SEC31B: variants seen among roughly 807,000 people sequenced by gnomAD.
SEC31B encodes SEC31 homolog B, COPII component.
A neutral mutation model predicts 135.0 loss-of-function variants in SEC31B; 113 were observed. That is an observed-to-expected ratio of 0.84 (90% CI 0.72 to 0.98). SEC31B has a LOEUF of 0.98. Ranked by LOEUF, SEC31B falls within the 50% of genes least tolerant of loss-of-function variation. SEC31B has a pLI of 0.00. For missense variants in SEC31B, 1,296 were observed against 1,421.1 expected (o/e 0.91, Z 1.42); for synonymous variants, 508 against 549.4 (o/e 0.92, Z 1.05).
Position 100,496,279 on chromosome 10 carries a change from A to T in SEC31B, c.2289T>A (p.Phe763Leu), listed in dbSNP as rs142852588. Residue 763 changes from phenylalanine (F) to leucine (L), a missense_variant, in exon 18 of 26, where the codon TTT (phenylalanine) becomes TTA (leucine). Coordinates refer to ENST00000370345, the MANE Select transcript of SEC31B (RefSeq NM_015490.4). ...AQGSLATAMS[F>L]LPRDCAQPPV... ...TTACCTGAGCACAGTCCCTGGGTAG[A>T]AAGCTCATGGCAGTGGCCAGGCTGC... 2 of 1,614,170 alleles carry T rather than the reference A, an allele frequency of 1.2e-6. No homozygotes were observed. Among genetic ancestry groups the T allele is most frequent in the South Asian group, 1.1e-5 (1 of 91,086 alleles).
In SEC31B at chr10:100,502,463, A is replaced by G; in HGVS notation, c.1201T>C (p.Phe401Leu). 1.2e-6 allele frequency: 2 copies of G among 1,613,476 alleles called. No homozygotes were observed. The highest frequency in any genetic ancestry group is 1.7e-6 in the Non-Finnish European group (2 of 1,179,854). The change falls in exon 11 of 26, where the codon TTT becomes CTT. Residue 401 changes from phenylalanine (F) to leucine (L), a missense_variant. Coordinates refer to ENST00000370345, the MANE Select transcript of SEC31B (RefSeq NM_015490.4). ...SFAFGGKLVT[F>L]GLPSTPAHLV... ...TGGGCAGGGGTGCTGGGGAGGCCAAAAGTAACCAGCTTCCCTCCAAACTGG... is the reference window on the plus strand; with the variant it reads ...TGGGCAGGGGTGCTGGGGAGGCCAAGAGTAACCAGCTTCCCTCCAAACTGG...
chr10:100,490,151 G>C lies in SEC31B; in HGVS notation c.2822C>G (p.Pro941Arg). 1.9e-6 allele frequency: 3 copies of C among 1,598,084 alleles called. No homozygotes were observed. The highest frequency in any genetic ancestry group is 1.3e-5 in the African/African-American group (1 of 74,554). ...PETPRLFPLL[P>R]LRPLGPGRMV... The stretch of plus-strand genomic sequence containing the variant: ...GCGGCCGGGACCTAGTGGTCTCAGA[G>C]GAAGCAGAGGGAACAGTCTAGGAGT... Residue 941 changes from proline (P) to arginine (R), a missense_variant, in exon 21 of 26, where the codon CCT (proline) becomes CGT (arginine). Transcript: ENST00000370345.
chr10:100,502,116 G>A (rs1851535053), intron 11 of SEC31B, 138 bp downstream of exon 11: 1 of 689,168 alleles, frequency 1.5e-6, no homozygotes, highest in South Asian at 1.8e-5. Context: ...TGGGTATAGT[G>A]TGGGGGAAAA....
intron 1 of SEC31B, among the ~76,000 whole-genome samples, chr10:100,517,970 C>A (rs921914388): frequency 6.6e-6 from 1 of 152,182 alleles, no homozygotes; most frequent in African/African-American, 2.4e-5. Flanking sequence ...TGCCAACAGC[C>A]TTTTTGATTG....
chr10:100,491,370 T>C (rs974852436), intron 19 of SEC31B, among the ~76,000 whole-genome samples: 4 of 152,138 alleles, frequency 2.6e-5, no homozygotes, highest in African/African-American at 4.8e-5. Flanking sequence ...TTCCAGAAAA[T>C]AGAAGGAACA....
rs572241814 is a variant in SEC31B, at chr10:100,495,374, C to T, written c.2472+11G>A. On this transcript the variant is annotated intron_variant, in intron 19 of 25. Coordinates refer to ENST00000370345, the MANE Select transcript of SEC31B (RefSeq NM_015490.4). ...TTGAATGAACAAATGAATGAACAAA[C>T]GAGGTCTTACCTGGTGAGAAGGCTG... 1.4e-4 allele frequency: 223 copies of T among 1,610,812 alleles called. No homozygotes were observed. The highest frequency in any genetic ancestry group is 2.3e-4 in the South Asian group (21 of 90,188).
At chr10:100,506,510 A>G (rs1851635368) in intron 7 of SEC31B, 90 bp from the exon 8 acceptor site, 2 of 1,031,518 alleles carry the variant, frequency 1.9e-6, no homozygotes, top group Non-Finnish European at 3.0e-6. Flanking sequence ...TTTATAGGGC[A>G]TATCAGACCA....
At chr10:100,508,119 C>T in intron 5 of SEC31B, 68 bp from the exon 6 acceptor site, 2 of 1,584,442 alleles carry the variant, frequency 1.3e-6, no homozygotes, top group Non-Finnish European at 1.7e-6. Flanking sequence ...TCTGCTGTTC[C>T]ACTGCTCCCA....
intron 11 of SEC31B, among the ~76,000 whole-genome samples, chr10:100,500,962 T>C (rs946031035): frequency 2.0e-5 from 3 of 151,840 alleles, no homozygotes; most frequent in Admixed American, 2.0e-4. Context: ...ATGCCAGCAC[T>C]TTGGGAGGCT....
Position 100,505,350 on chromosome 10 carries a change from A to C in SEC31B, c.1179+11T>G. On this transcript the variant is annotated intron_variant, in intron 10 of 25. Coordinates refer to ENST00000370345, the MANE Select transcript of SEC31B (RefSeq NM_015490.4). ...CAAACACACACACACCTATACATCCACTACACTTACAGCAAATGAAACACC... is the reference window on the plus strand; with the variant it reads ...CAAACACACACACACCTATACATCCCCTACACTTACAGCAAATGAAACACC... 2 of 1,613,212 alleles carry C rather than the reference A, an allele frequency of 1.2e-6. No homozygotes were observed. Among genetic ancestry groups the C allele is most frequent in the Non-Finnish European group, 1.7e-6 (2 of 1,179,602 alleles).
Position 100,487,339 on chromosome 10 carries a change from G to C in SEC31B, c.*277C>G, listed in dbSNP as rs1036725817. On this transcript the variant is annotated 3_prime_UTR_variant, in exon 26 of 26. Transcript: ENST00000370345. ...CTGGGGGAGAAGATATCCTGCCCCAGGTCCTTACAGAGTGTAGTATTAGGG... is the reference window on the plus strand; with the variant it reads ...CTGGGGGAGAAGATATCCTGCCCCACGTCCTTACAGAGTGTAGTATTAGGG... 4.9e-6 allele frequency: 2 copies of C among 410,838 alleles called. No individual in the cohort carries two copies. The highest frequency in any genetic ancestry group is 8.4e-5 in the Admixed American group (2 of 23,806). The allele number at this position is 410,838 out of a possible 1,614,324, so 25.4% of individuals were successfully genotyped here.
At chr10:100,508,653 C>T in intron 5 of SEC31B, 1 of 406,226 alleles carries the variant, frequency 2.5e-6, no homozygotes, top group South Asian at 2.1e-5. Flanking sequence ...GGGTCCTACT[C>T]TTCCTCCCTC....
chr10:100,489,816 T>C, intron 21 of SEC31B, 55 bp from the exon 22 acceptor site: 1 of 1,612,130 alleles, frequency 6.2e-7, no homozygotes, highest in Non-Finnish European at 8.5e-7. Flanking sequence ...CACTGGAAGT[T>C]TTTTATCTGA....
At position 100,507,531 on chromosome 10, in the gene SEC31B, C is replaced by T. The variant is rs1851655844; in HGVS notation, c.676G>A (p.Ala226Thr). Residue 226 changes from alanine to threonine, a missense_variant, in exon 7 of 26, where the codon GCC becomes ACC. By Grantham distance (58) the Ala-to-Thr change is moderately conservative (BLOSUM62 0). Coordinates refer to ENST00000370345, the MANE Select transcript of SEC31B (RefSeq NM_015490.4). Reference sequence around the variant, plus strand: ...TCTGAGCACAGCACTAACTGGGTGGCTATGTCAGGATGCCAGGCCAGGCCT... The same window carrying T: ...TCTGAGCACAGCACTAACTGGGTGGTTATGTCAGGATGCCAGGCCAGGCCT... ...CSGLAWHPDI[A>T]TQLVLCSEDD... 3.1e-6 allele frequency: 5 copies of T among 1,614,202 alleles called. No individual in the cohort carries two copies. Among genetic ancestry groups the T allele is most frequent in the Non-Finnish European group, 4.2e-6 (5 of 1,180,020 alleles).
rs1160857151 is a variant in SEC31B, at chr10:100,502,388, T to G, written c.1276A>C (p.Thr426Pro). Residue 426 changes from threonine (T) to proline (P), a missense_variant, in exon 11 of 26, where the codon ACA (threonine) becomes CCA (proline). Transcript: ENST00000370345. Reference sequence around the variant, plus strand: ...GATCGCATCAGGAATTCAGATTCTGTGGTGACTTGACTGATGAAGACTAGG... The same window carrying G: ...GATCGCATCAGGAATTCAGATTCTGGGGTGACTTGACTGATGAAGACTAGG... ...PRLVFISQVT[T>P]ESEFLMRSAE... 1 of 1,614,148 alleles carries G rather than the reference T, an allele frequency of 6.2e-7. No individual in the cohort carries two copies. Among genetic ancestry groups the G allele is most frequent in the Admixed American group, 1.7e-5 (1 of 60,020 alleles).
chr10:100,495,385 C>T lies in SEC31B; in HGVS notation c.2472G>A (p.Gln824=). The change falls in exon 19 of 26, where the codon CAG becomes CAA. Residue 824 remains glutamine (Q), a splice_region_variant and synonymous_variant. Transcript: ENST00000370345. ...SYRLGSQPSH[Q]VPTPSPRPRV... The stretch of plus-strand genomic sequence containing the variant: ...AATGAATGAACAAACGAGGTCTTAC[C>T]TGGTGAGAAGGCTGGGATCCCAATC... 6.2e-7 allele frequency: 1 copy of T among 1,613,136 alleles called. No homozygotes were observed. The highest frequency in any genetic ancestry group is 8.5e-7 in the Non-Finnish European group (1 of 1,179,672).
At position 100,505,390 on chromosome 10, in the gene SEC31B, TC is replaced by T; in HGVS notation, c.1149del (p.Trp383Ter). 3.1e-6 allele frequency: 5 copies of T among 1,613,164 alleles called. No individual in the cohort carries two copies. The highest frequency in any genetic ancestry group is 4.2e-6 in the Non-Finnish European group (5 of 1,179,564). ...LIPPLKKPPKWIRRPTGVSFA... is the reference protein window; with the variant it reads ...LIPPLKKPPKXIRRPTGVSFA... ...AATGAAACACCTGTTGGTCTTCTAA[TC>T]CATTTGGGGGGTTTTTTCAGGGGAG... On this transcript the variant is annotated frameshift_variant, in exon 10 of 26. Transcript: ENST00000370345. LOFTEE classifies it high-confidence loss of function.
At chr10:100,488,574 C>T (rs1400203642) in intron 24 of SEC31B, among the ~76,000 whole-genome samples, 1 of 152,012 alleles carries the variant, frequency 6.6e-6, no homozygotes, top group African/African-American at 2.4e-5. Context: ...ACACAGCCAG[C>T]AGGGGAATGG....
At chr10:100,515,620 A>G (rs1184349177) in intron 3 of SEC31B, among the ~76,000 whole-genome samples, 1 of 152,216 alleles carries the variant, frequency 6.6e-6, no homozygotes, top group African/African-American at 2.4e-5. Flanking sequence ...AGTGTCTGGC[A>G]TGTATACATG....
Sources: gnomAD v4.1 joint callset for allele counts (sites outside exome capture counted in the v4.1 genomes callset) on GRCh38, gnomAD v4.1.1 for gene constraint, MANE v1.5 for transcripts, NCBI Gene and HGNC (gene_info 2026-07-23, HGNC 2026-07-21) for gene names.